OPRM1: variants seen among roughly 807,000 people sequenced by gnomAD.
OPRM1 encodes mu-type opioid receptor.
OPRM1 carries 27 observed loss-of-function variants against 31.8 expected under a neutral mutation model. The ratio of observed to expected loss-of-function variants is 0.85; its 90% CI spans 0.63 to 1.17. The LOEUF is 1.17. Among genes scored for constraint, OPRM1 ranks in the 50% most tolerant of loss-of-function variants. The pLI, the probability that OPRM1 is intolerant of heterozygous loss-of-function variation, is 0.00. For synonymous variants in OPRM1, 196 were observed against 189.9 expected, an observed-to-expected ratio of 1.03 and a Z score of -0.26; for missense variants, 536 against 511.1, an observed-to-expected ratio of 1.05 and a Z score of -0.47.
At chr6:154,052,155 C>T (rs372254514) in intron 1 of OPRM1, among the ~76,000 whole-genome samples, 41 of 152,034 alleles carry the variant, frequency 2.7e-4, no homozygotes, top group African/African-American at 9.6e-4. Flanking sequence ...GGGAGAGGAA[C>T]AGCACACACT....
intron 3 of OPRM1, among the ~76,000 whole-genome samples, chr6:154,148,127 T>C (rs943935115): frequency 4.6e-5 from 7 of 152,232 alleles, no homozygotes; most frequent in African/African-American, 1.4e-4. Flanking sequence ...CCCATGATTA[T>C]GTGCCCACTG....
chr6:154,049,803 C>T (rs990020808), intron 1 of OPRM1, among the ~76,000 whole-genome samples: 6 of 152,102 alleles, frequency 3.9e-5, no homozygotes, highest in Admixed American at 6.6e-5. Flanking sequence ...ATATATACAG[C>T]GCATTGATTG....
intron 1 of OPRM1, among the ~76,000 whole-genome samples, chr6:154,082,386 TATATTAA>T (rs1325376784): frequency 6.6e-6 from 1 of 152,208 alleles, no homozygotes; most frequent in Non-Finnish European, 1.5e-5. Flanking sequence ...ACCAAAAGTG[TATATTAA>T]GCCTCATATT....
Position 154,039,612 on chromosome 6 carries a change from C to T in OPRM1, c.68C>T (p.Ser23Phe), listed in dbSNP as rs201728064. 23 of 1,613,890 alleles carry T rather than the reference C, an allele frequency of 1.4e-5. No individual in the cohort carries two copies. The highest frequency in any genetic ancestry group is 1.9e-5 in the Non-Finnish European group (22 of 1,179,812). Reference protein sequence around the residue: ...CTDALAYSSCSPAPSPGSWVN... With the variant: ...CTDALAYSSCFPAPSPGSWVN... ...GATGCCTTGGCGTACTCAAGTTGCT[C>T]CCCAGCACCCAGCCCCGGTTCCTGG... is the stretch of plus-strand genomic sequence containing the variant. Residue 23 changes from serine (S) to phenylalanine (F), a missense_variant, in exon 1 of 4, where the codon TCC (serine) becomes TTC (phenylalanine). Physicochemically the swap from Ser to Phe is radical, Grantham distance 155 (BLOSUM62 -2). Transcript: ENST00000330432.
chr6:154,114,148 G>A lies in OPRM1; in HGVS notation c.1165-4535G>A, dbSNP rs916743550. Among the ~76,000 whole-genome samples the A allele has an allele frequency of 3.3e-5, 5 of 152,306 alleles. No individual in the cohort carries two copies. The South Asian group carries it at 1.0e-3, about 32-fold the overall frequency. On this transcript the variant is annotated intron_variant, in intron 3 of 3. Coordinates refer to ENST00000330432, the MANE Select transcript of OPRM1 (RefSeq NM_000914.5). Reference sequence around the variant, plus strand: ...GTACATAGGACTCAACAAGAGGCATGCATAGATAAGGCACGTATTGTCTCT... The same window carrying A: ...GTACATAGGACTCAACAAGAGGCATACATAGATAAGGCACGTATTGTCTCT...
intron 1 of OPRM1, among the ~76,000 whole-genome samples, chr6:154,013,784 C>T (rs568472267): frequency 1.3e-5 from 2 of 152,208 alleles, no homozygotes; most frequent in South Asian, 4.1e-4. Flanking sequence ...TGTGTCTCCA[C>T]CTCCAGCATG....
intron 1 of OPRM1, among the ~76,000 whole-genome samples, chr6:154,047,906 A>C (rs776226182): frequency 3.3e-5 from 5 of 152,172 alleles, no homozygotes; most frequent in Non-Finnish European, 5.9e-5. Flanking sequence ...CAGATTCTGC[A>C]TTTGCTGAGG....
chr6:154,205,155 G>T (rs1342233862), intron 3 of OPRM1, among the ~76,000 whole-genome samples: 1 of 152,160 alleles, frequency 6.6e-6, no homozygotes, highest in East Asian at 1.9e-4. Flanking sequence ...TTCATCTTCA[G>T]AGCATTTGTC....
chr6:154,107,953 T>TTTTTA lies in OPRM1; in HGVS notation c.1165-10697_1165-10693dup, dbSNP rs754655370. 482 of 518,102 alleles carry TTTTTA rather than the reference T, an allele frequency of 9.3e-4. 3 individuals are homozygous for TTTTTA. Among genetic ancestry groups the TTTTTA allele is most frequent in the African/African-American group, 6.4e-3 (269 of 42,332 alleles). 32.1% of individuals were successfully genotyped at this position (518,102 alleles called of 1,614,324 possible). A position where few individuals can be genotyped will look rare whatever the true frequency, so the allele number is the denominator to read the frequency against. The stretch of plus-strand genomic sequence containing the variant: ...TTTACAGAGGAGATAAACACTGATT[T>TTTTTA]TTTTATTTTATTTTATTTTATTTTA... On this transcript the variant is annotated intron_variant, in intron 3 of 3. Coordinates refer to ENST00000330432, the MANE Select transcript of OPRM1 (RefSeq NM_000914.5).
In OPRM1 at chr6:154,131,286, GTTGA is replaced by G. The variant is rs1797881269; in HGVS notation, c.*12568_*12571del. On this transcript the variant is annotated 3_prime_UTR_variant, in exon 4 of 4. Coordinates refer to ENST00000330432, the MANE Select transcript of OPRM1 (RefSeq NM_000914.5). ...TCTGAGTAAATGAGAGCCTCTCATG[GTTGA>G]TTAAGTTCAGACATTTTAAACAGAC... 6.6e-6 allele frequency among the ~76,000 whole-genome samples: 1 copy of G among 152,192 alleles called. No homozygotes were observed. Among genetic ancestry groups the G allele is most frequent in the Non-Finnish European group, 1.5e-5 (1 of 68,034 alleles).
At chr6:154,057,822 T>C (rs149720604) in intron 1 of OPRM1, among the ~76,000 whole-genome samples, 124 of 152,298 alleles carry the variant, frequency 8.1e-4, no homozygotes, top group African/African-American at 2.9e-3. Context: ...AGTCTACTTA[T>C]GAATACCCTG....
chr6:154,235,785 T>C (rs781022901), intron 3 of OPRM1, among the ~76,000 whole-genome samples: 33 of 152,154 alleles, frequency 2.2e-4, no homozygotes, highest in Non-Finnish European at 4.6e-4. Flanking sequence ...AATAAGCACA[T>C]GCGAAAGTTG....
At chr6:154,145,259 A>G (rs1263076917) in intron 3 of OPRM1, among the ~76,000 whole-genome samples, 2 of 152,230 alleles carry the variant, frequency 1.3e-5, no homozygotes, top group South Asian at 2.1e-4. Context: ...CAGAAATCTT[A>G]AAAGAAAAAA....
intron 1 of OPRM1, among the ~76,000 whole-genome samples, chr6:154,028,850 T>C (rs572396205): frequency 9.8e-5 from 15 of 152,298 alleles, no homozygotes; most frequent in South Asian, 2.1e-4. Context: ...GGAATGGTGT[T>C]GGTGATTCAA....
intron 3 of OPRM1, among the ~76,000 whole-genome samples, chr6:154,149,937 A>G (rs1798455445): frequency 6.6e-6 from 1 of 152,184 alleles, no homozygotes; most frequent in Admixed American, 6.5e-5. Context: ...CCTCCACAGG[A>G]CAGCCACCAT....
intron 3 of OPRM1, among the ~76,000 whole-genome samples, chr6:154,204,021 T>C (rs1370140261): frequency 1.3e-5 from 2 of 152,220 alleles, no homozygotes; most frequent in Non-Finnish European, 2.9e-5. Flanking sequence ...TGATTAATAA[T>C]TGTATGTGGT....
At chr6:154,183,351 T>A (rs538398780) in intron 3 of OPRM1, among the ~76,000 whole-genome samples, 1 of 152,336 alleles carries the variant, frequency 6.6e-6, no homozygotes, top group South Asian at 2.1e-4. Flanking sequence ...TCTATGTACT[T>A]GCATAACATG....
At chr6:154,172,841 G>A (rs150013387) in intron 3 of OPRM1, among the ~76,000 whole-genome samples, 128 of 152,340 alleles carry the variant, frequency 8.4e-4, no homozygotes, top group Admixed American at 1.5e-3. Flanking sequence ...CTCTGATAAC[G>A]GACAGACCAC....
intron 1 of OPRM1, among the ~76,000 whole-genome samples, chr6:154,085,856 GC>G (rs1790407522): frequency 6.8e-6 from 1 of 147,774 alleles, no homozygotes. Context: ...CAACATTCAT[GC>G]CACCACATCA....
Sources: allele counts gnomAD v4.1 joint callset (sites outside exome capture counted in the v4.1 genomes callset), GRCh38; gene constraint gnomAD v4.1.1; transcripts MANE v1.5; gene names NCBI Gene and HGNC (gene_info 2026-07-23, HGNC 2026-07-21).